ADAMTSL3: variants seen among roughly 807,000 people sequenced by gnomAD.
ADAMTSL3 encodes ADAMTS-like protein 3.
ADAMTSL3 carries 128 observed loss-of-function variants against 201.7 expected under a neutral mutation model. That is an observed-to-expected ratio of 0.63 (90% confidence interval 0.55 to 0.73). The LOEUF (loss-of-function observed/expected upper bound fraction) is 0.73, where lower values mean the gene tolerates loss of function less well. Among genes scored for constraint, ADAMTSL3 ranks in the 30% least tolerant of loss-of-function variants. The pLI is 0.00. For synonymous variants in ADAMTSL3, 738 were observed against 748.4 expected (o/e 0.99, Z 0.23); for missense variants, 1,990 against 2,119.6 (o/e 0.94, Z 1.20).
At chr15:83,826,980 T>A (rs1037493269) in intron 6 of ADAMTSL3, among the ~76,000 whole-genome samples, 1 of 152,214 alleles carries the variant, frequency 6.6e-6, no homozygotes, top group African/African-American at 2.4e-5. Context: ...TACGTGTGCC[T>A]GTGTCTTTAT....
chr15:83,739,600 A>C (rs2062422852), intron 3 of ADAMTSL3, among the ~76,000 whole-genome samples: 2 of 151,696 alleles, frequency 1.3e-5, no homozygotes, highest in East Asian at 4.2e-4. Context: ...AAATCCAAAA[A>C]AAAATCTGAA....
intron 22 of ADAMTSL3, among the ~76,000 whole-genome samples, chr15:83,989,288 G>C (rs2067541920): frequency 6.6e-6 from 1 of 152,178 alleles, no homozygotes; most frequent in African/African-American, 2.4e-5. Flanking sequence ...TCCACCCCTA[G>C]AAGTTCTGGC....
intron 3 of ADAMTSL3, among the ~76,000 whole-genome samples, chr15:83,739,270 T>C (rs946951097): frequency 6.6e-6 from 1 of 151,584 alleles, no homozygotes; most frequent in Non-Finnish European, 1.5e-5. Flanking sequence ...TATAGCAATA[T>C]TAGTATTAGA....
chr15:83,810,429 C>T (rs1228152643), intron 5 of ADAMTSL3, among the ~76,000 whole-genome samples: 1 of 152,190 alleles, frequency 6.6e-6, no homozygotes, highest in Non-Finnish European at 1.5e-5. Context: ...CATTAGCAAC[C>T]TCAGAGTTCT....
intron 3 of ADAMTSL3, among the ~76,000 whole-genome samples, chr15:83,759,836 A>G (rs1452984672): frequency 1.3e-5 from 2 of 152,152 alleles, no homozygotes; most frequent in Non-Finnish European, 2.9e-5. Flanking sequence ...AACATAATAT[A>G]TTTCATAATA....
intron 4 of ADAMTSL3, among the ~76,000 whole-genome samples, chr15:83,783,043 C>G (rs1354415603): frequency 2.0e-5 from 3 of 146,872 alleles, no homozygotes; most frequent in African/African-American, 7.5e-5. Context: ...TATATATATA[C>G]TGTTTAGCGC....
At chr15:83,806,518 A>G (rs1448129044) in intron 5 of ADAMTSL3, among the ~76,000 whole-genome samples, 1 of 152,226 alleles carries the variant, frequency 6.6e-6, no homozygotes, top group Non-Finnish European at 1.5e-5. Context: ...ACTCTGTAAA[A>G]TTGGAAGCAA....
chr15:83,980,403 A>G (rs2067365766), intron 20 of ADAMTSL3, among the ~76,000 whole-genome samples: 1 of 152,178 alleles, frequency 6.6e-6, no homozygotes, highest in East Asian at 1.9e-4. Flanking sequence ...TATCTATAGT[A>G]ATGGATTGAC....
At chr15:83,737,101 A>G (rs1336523605) in intron 3 of ADAMTSL3, among the ~76,000 whole-genome samples, 1 of 152,242 alleles carries the variant, frequency 6.6e-6, no homozygotes, top group Non-Finnish European at 1.5e-5. Flanking sequence ...TATTTTGTAC[A>G]CTAAAAATTT....
intron 6 of ADAMTSL3, among the ~76,000 whole-genome samples, chr15:83,832,545 A>G (rs2064176861): frequency 6.6e-6 from 1 of 152,184 alleles, no homozygotes; most frequent in South Asian, 2.1e-4. Context: ...ACTTCTTGGT[A>G]GAATTCAGTA....
chr15:83,841,251 A>G (rs982260737), intron 7 of ADAMTSL3, among the ~76,000 whole-genome samples: 3 of 152,228 alleles, frequency 2.0e-5, no homozygotes, highest in African/African-American at 4.8e-5. Flanking sequence ...GCATTCTTAC[A>G]TTATAATTTG....
At chr15:83,792,508 T>C (rs1402399557) in intron 4 of ADAMTSL3, among the ~76,000 whole-genome samples, 1 of 152,096 alleles carries the variant, frequency 6.6e-6, no homozygotes, top group Non-Finnish European at 1.5e-5. Flanking sequence ...ACTAGAGATA[T>C]CAGTTGGGCT....
intron 2 of ADAMTSL3, among the ~76,000 whole-genome samples, chr15:83,664,506 C>G (rs1199189842): frequency 6.6e-6 from 1 of 152,232 alleles, no homozygotes; most frequent in Admixed American, 6.5e-5. Context: ...TGAGCCAGAT[C>G]CTGGCATCAC....
chr15:83,887,193 T>C (rs1055139122), intron 10 of ADAMTSL3, among the ~76,000 whole-genome samples: 1 of 152,186 alleles, frequency 6.6e-6, no homozygotes, highest in Non-Finnish European at 1.5e-5. Context: ...TGAGAACCAT[T>C]GCCTCTTTAA....
At chr15:83,920,861 T>G (rs2135880) in intron 16 of ADAMTSL3, among the ~76,000 whole-genome samples, 95,385 of 152,088 alleles carry the variant, frequency 0.63, 31,015 homozygotes, top group African/African-American at 0.79. Context: ...TTCCTACAAC[T>G]CTCTAAATCT....
At chr15:83,756,306 TCA>T (rs1344752901) in intron 3 of ADAMTSL3, among the ~76,000 whole-genome samples, 2 of 152,170 alleles carry the variant, frequency 1.3e-5, no homozygotes, top group Non-Finnish European at 2.9e-5. Context: ...TGTAATTGGC[TCA>T]CAGTTCCACA....
At chr15:83,955,504 C>G (rs1567262069) in intron 19 of ADAMTSL3, among the ~76,000 whole-genome samples, 1 of 152,032 alleles carries the variant, frequency 6.6e-6, no homozygotes, top group Non-Finnish European at 1.5e-5. Context: ...ACTAGATACT[C>G]TATCCACTGT....
At chr15:83,933,876 G>C (rs1324641938) in intron 17 of ADAMTSL3, among the ~76,000 whole-genome samples, 1 of 152,226 alleles carries the variant, frequency 6.6e-6, no homozygotes, top group East Asian at 1.9e-4. Flanking sequence ...GTGGTGTTGG[G>C]CCTGCAGGTG....
At chr15:83,769,452 T>G (rs145440024) in intron 3 of ADAMTSL3, among the ~76,000 whole-genome samples, 64 of 152,344 alleles carry the variant, frequency 4.2e-4, no homozygotes, top group African/African-American at 1.4e-3. Flanking sequence ...CACAGTTATG[T>G]TTGGTGACGT....
Sources: gnomAD v4.1 joint callset for allele counts (sites outside exome capture counted in the v4.1 genomes callset) on GRCh38, gnomAD v4.1.1 for gene constraint, MANE v1.5 for transcripts, NCBI Gene and HGNC (gene_info 2026-07-23, HGNC 2026-07-21) for gene names.